CCDC85C: variants seen among roughly 807,000 people sequenced by gnomAD.
CCDC85C encodes coiled-coil domain containing 85C, also known as coiled-coil domain-containing protein 85C.
CCDC85C carries 18 observed loss-of-function variants against 38.3 expected under a neutral mutation model. The observed-to-expected ratio is 0.47, with a 90% CI of 0.33 to 0.70. The LOEUF (loss-of-function observed/expected upper bound fraction) is 0.70, where lower values mean the gene tolerates loss of function less well. CCDC85C is among the 30% of genes least tolerant of loss of function. The pLI is 0.03. For synonymous variants in CCDC85C, 264 were observed against 293.8 expected, an observed-to-expected ratio of 0.90 and a Z score of 1.04; for missense variants, 566 against 621.2, an observed-to-expected ratio of 0.91 and a Z score of 0.94.
chr14:99,501,458 G>T lies in CCDC85C; in HGVS notation c.*13788C>A, dbSNP rs1213748975. 2.4e-6 allele frequency: 3 copies of T among 1,268,336 alleles called. No individual in the cohort carries two copies. The highest frequency in any genetic ancestry group is 3.4e-6 in the Non-Finnish European group (3 of 870,154). 78.6% of individuals were successfully genotyped at this position (1,268,336 alleles called of 1,614,324 possible). ...GATTAATTACAGTATTTTAAAATAG[G>T]CAGAGACTTTATGGACCATTTCATC... is the stretch of plus-strand genomic sequence containing the variant. On this transcript the variant is annotated 3_prime_UTR_variant, in exon 6 of 6. Transcript: ENST00000380243.
In CCDC85C at chr14:99,516,418, G is replaced by T; in HGVS notation, c.1072-132C>A. The stretch of plus-strand genomic sequence containing the variant: ...GACCCTGAGCCGCTGGGCCCCTGGG[G>T]ACAAGCGTGGAAAAAACTGAGGGGC... On this transcript the variant is annotated intron_variant, in intron 4 of 5. Transcript: ENST00000380243. This position sits in a 1 kb window ranked among gnomAD's most constrained non-coding sequence, Gnocchi z 5.5. 1.5e-6 allele frequency: 1 copy of T among 650,776 alleles called. No homozygotes were observed. The highest frequency in any genetic ancestry group is 2.7e-6 in the Non-Finnish European group (1 of 371,960). The allele number at this position is 650,776 out of a possible 1,614,324, so 40.3% of individuals were successfully genotyped here.
intron 1 of CCDC85C, among the ~76,000 whole-genome samples, chr14:99,579,731 G>C (rs947828380): frequency 1.3e-5 from 2 of 152,118 alleles, no homozygotes; most frequent in Admixed American, 1.3e-4. Context: ...GGGGAGTCCA[G>C]GGCAGCGGGG....
rs760467178 is a variant in CCDC85C, at chr14:99,603,447, C to CCCG, written c.510_512dup (p.Gly173dup). 1.6e-4 allele frequency: 206 copies of CCCG among 1,271,864 alleles called. No homozygotes were observed. The highest frequency in any genetic ancestry group is 2.2e-4 in the African/African-American group (14 of 63,620). 78.8% of individuals were successfully genotyped at this position (1,271,864 alleles called of 1,614,324 possible). A position where few individuals can be genotyped will look rare whatever the true frequency, so the allele number is the denominator to read the frequency against. On this transcript the variant is annotated inframe_insertion, in exon 1 of 6. Coordinates refer to ENST00000380243, the MANE Select transcript of CCDC85C (RefSeq NM_001144995.2). This position sits in a 1 kb window ranked among gnomAD's most constrained non-coding sequence, Gnocchi z 7.5. ...TGGAGCTGCGGGAGCCGGCGCCGCC[C>CCCG]CCGCCGCCGCCGCCACCGCTTGCGG... is the stretch of plus-strand genomic sequence containing the variant.
At chr14:99,532,779 CTTCT>C (rs1738979613) in intron 2 of CCDC85C, among the ~76,000 whole-genome samples, 1 of 120,682 alleles carries the variant, frequency 8.3e-6, no homozygotes, top group African/African-American at 3.0e-5. Flanking sequence ...TCTTCTTCTT[CTTCT>C]TTTTTTTTTT....
At chr14:99,580,834 T>C (rs1390816096) in intron 1 of CCDC85C, among the ~76,000 whole-genome samples, 5 of 152,126 alleles carry the variant, frequency 3.3e-5, no homozygotes, top group African/African-American at 4.8e-5. Context: ...GACTGCACTC[T>C]AGCCTGGGTG....
At chr14:99,584,131 A>C (rs1330358846) in intron 1 of CCDC85C, among the ~76,000 whole-genome samples, 1 of 152,092 alleles carries the variant, frequency 6.6e-6, no homozygotes, top group Non-Finnish European at 1.5e-5. Context: ...GGGCTCAAGA[A>C]ATCCTCCTGC....
chr14:99,526,017 A>G (rs1424546808), intron 2 of CCDC85C, among the ~76,000 whole-genome samples: 1 of 152,202 alleles, frequency 6.6e-6, no homozygotes, highest in Non-Finnish European at 1.5e-5. Context: ...AGTGGACAGC[A>G]ACGCAGCCAC....
intron 1 of CCDC85C, among the ~76,000 whole-genome samples, chr14:99,539,972 C>A (rs879767555): frequency 3.3e-5 from 5 of 152,146 alleles, no homozygotes; most frequent in African/African-American, 9.6e-5. Context: ...CAAGGTGAAA[C>A]CCCCATCTCT....
At chr14:99,518,987 C>G (rs572845109) in intron 3 of CCDC85C, among the ~76,000 whole-genome samples, 1 of 152,128 alleles carries the variant, frequency 6.6e-6, no homozygotes, top group Admixed American at 6.5e-5. Flanking sequence ...TCAGCCCCCT[C>G]GGGCCACACA....
intron 1 of CCDC85C, among the ~76,000 whole-genome samples, chr14:99,578,158 C>T (rs1359281600): frequency 6.9e-6 from 1 of 143,972 alleles, no homozygotes; most frequent in Non-Finnish European, 1.5e-5. Flanking sequence ...CCATACAGCC[C>T]GTCCTGTATC....
chr14:99,599,873 CTAAATAAATAA>C (rs927661002), intron 1 of CCDC85C, among the ~76,000 whole-genome samples: 1 of 152,112 alleles, frequency 6.6e-6, no homozygotes, highest in African/African-American at 2.4e-5. Context: ...GACCCTGTCT[CTAAATAAATAA>C]TAAATAAATA....
At position 99,503,180 on chromosome 14, in the gene CCDC85C, A is replaced by G; in HGVS notation, c.*12066T>C. On this transcript the variant is annotated 3_prime_UTR_variant, in exon 6 of 6. Transcript: ENST00000380243. Reference sequence around the variant, plus strand: ...CAAGGACAGGCTGCCTCTGAGAACCAGGAGGGGGCTCTCTGCCCGGCTCCA... The same window carrying G: ...CAAGGACAGGCTGCCTCTGAGAACCGGGAGGGGGCTCTCTGCCCGGCTCCA... 1 of 723,064 alleles carries G rather than the reference A, an allele frequency of 1.4e-6. No homozygotes were observed. The highest frequency in any genetic ancestry group is 2.5e-6 in the Non-Finnish European group (1 of 406,156). 44.8% of individuals were successfully genotyped at this position (723,064 alleles called of 1,614,324 possible).
chr14:99,571,009 T>TCCC (rs1023359209), intron 1 of CCDC85C, among the ~76,000 whole-genome samples: 9 of 151,550 alleles, frequency 5.9e-5, no homozygotes, highest in Non-Finnish European at 8.8e-5. Flanking sequence ...CCCTGGAGCT[T>TCCC]CCCCCACTCC....
intron 1 of CCDC85C, among the ~76,000 whole-genome samples, chr14:99,589,942 C>CG (rs2055068254): frequency 6.6e-6 from 1 of 152,238 alleles, no homozygotes; most frequent in African/African-American, 2.4e-5. Flanking sequence ...GGGCAGACCC[C>CG]GGGGATGGCT....
chr14:99,552,883 C>CGTGA (rs1897939409), intron 1 of CCDC85C, among the ~76,000 whole-genome samples: 1 of 152,190 alleles, frequency 6.6e-6, no homozygotes, highest in South Asian at 2.1e-4. Context: ...CTCTTGGCAC[C>CGTGA]GTGACATCAC....
chr14:99,598,451 C>T (rs1436427091), intron 1 of CCDC85C, among the ~76,000 whole-genome samples: 3 of 152,176 alleles, frequency 2.0e-5, no homozygotes, highest in East Asian at 3.9e-4. Flanking sequence ...AAGCCAGCCT[C>T]GTGCAGAGAA....
intron 1 of CCDC85C, among the ~76,000 whole-genome samples, chr14:99,587,085 G>A (rs1291250463): frequency 1.3e-5 from 2 of 152,222 alleles, no homozygotes; most frequent in Non-Finnish European, 2.9e-5. Context: ...TGAGGTTCTG[G>A]ACAGCCTCTG....
Position 99,603,022 on chromosome 14 carries a change from C to G in CCDC85C, c.793+145G>C. The G allele has an allele frequency of 9.0e-6, 10 of 1,107,314 alleles. No homozygotes were observed. The highest frequency in any genetic ancestry group is 1.1e-5 in the Non-Finnish European group (10 of 871,742). 68.6% of individuals were successfully genotyped at this position (1,107,314 alleles called of 1,614,324 possible). ...CCCACTTTGGGTGAGTGCGGGATCC[C>G]CTGGCCCAGGATCCATGACAGCTGG... On this transcript the variant is annotated intron_variant, in intron 1 of 5. Transcript: ENST00000380243. This position sits in a 1 kb window ranked among gnomAD's most constrained non-coding sequence, Gnocchi z 7.5.
At position 99,510,128 on chromosome 14, in the gene CCDC85C, C is replaced by G; in HGVS notation, c.*5118G>C. On this transcript the variant is annotated 3_prime_UTR_variant, in exon 6 of 6. Coordinates refer to ENST00000380243, the MANE Select transcript of CCDC85C (RefSeq NM_001144995.2). The stretch of plus-strand genomic sequence containing the variant: ...AAAAAGCAACCATTGCTGGCGGAGG[C>G]CGGGCACTGATGCGTCTCTCTCCTG... The G allele has an allele frequency of 6.3e-7, 1 of 1,575,504 alleles. No individual in the cohort carries two copies. Among genetic ancestry groups the G allele is most frequent in the African/African-American group, 1.3e-5 (1 of 74,406 alleles).
Sources: gnomAD v4.1 joint callset for allele counts (sites outside exome capture counted in the v4.1 genomes callset) on GRCh38, gnomAD v4.1.1 for gene constraint, Gnocchi (gnomAD v3.1) non-coding constraint, MANE v1.5 for transcripts, NCBI Gene and HGNC (gene_info 2026-07-23, HGNC 2026-07-21) for gene names.